The following TACR1 variants were observed in gnomAD, a reference collection of about 807,000 sequenced individuals.
The protein encoded by TACR1 is tachykinin receptor 1.
Under a neutral mutation model 35.8 loss-of-function variants are expected in TACR1, and 25 were observed. The ratio of observed to expected loss-of-function variants is 0.70; its 90% confidence interval spans 0.51 to 0.98. The LOEUF is 0.98. TACR1 is among the 50% of genes least tolerant of loss of function. TACR1 has a pLI of 0.00. For synonymous variants in TACR1, 195 were observed against 206.7 expected (o/e 0.94, Z 0.48); for missense variants, 478 against 522.9 (o/e 0.91, Z 0.84).
At chr2:75,130,242 G>A (rs569902513) in intron 1 of TACR1, among the ~76,000 whole-genome samples, 1 of 152,252 alleles carries the variant, frequency 6.6e-6, no homozygotes, top group East Asian at 1.9e-4. Flanking sequence ...CTGAAGTATA[G>A]CAGGTAAGAC....
At chr2:75,094,340 G>A (rs1673369738) in intron 2 of TACR1, among the ~76,000 whole-genome samples, 1 of 152,154 alleles carries the variant, frequency 6.6e-6, no homozygotes, top group African/African-American at 2.4e-5. Flanking sequence ...AAAGTATTAA[G>A]AAAATAGAAC....
At chr2:75,191,171 G>T (rs1033822060) in intron 1 of TACR1, among the ~76,000 whole-genome samples, 1 of 152,180 alleles carries the variant, frequency 6.6e-6, no homozygotes, top group Non-Finnish European at 1.5e-5. Context: ...ATGTAAGCCA[G>T]TTCCCCAGTC....
At chr2:75,052,657 G>A (rs908096134) in intron 3 of TACR1, among the ~76,000 whole-genome samples, 2 of 152,060 alleles carry the variant, frequency 1.3e-5, no homozygotes, top group African/African-American at 2.4e-5. Flanking sequence ...TACTATTTGT[G>A]TAAAAAAGAA....
At chr2:75,062,400 T>G (rs1393844620) in intron 2 of TACR1, among the ~76,000 whole-genome samples, 1 of 152,204 alleles carries the variant, frequency 6.6e-6, no homozygotes, top group East Asian at 1.9e-4. Flanking sequence ...CACTCATATT[T>G]GTACACACAT....
At chr2:75,060,024 C>G (rs1330548559) in intron 2 of TACR1, among the ~76,000 whole-genome samples, 3 of 152,358 alleles carry the variant, frequency 2.0e-5, no homozygotes, top group Non-Finnish European at 4.4e-5. Context: ...CTCTTGCAGG[C>G]AGGCAAAAAT....
At chr2:75,179,714 T>C (rs1258738938) in intron 1 of TACR1, among the ~76,000 whole-genome samples, 1 of 152,172 alleles carries the variant, frequency 6.6e-6, no homozygotes, top group Non-Finnish European at 1.5e-5. Context: ...CAATTCTCAG[T>C]TCTTTCCTCC....
chr2:75,094,594 C>T (rs1179272572), intron 2 of TACR1, among the ~76,000 whole-genome samples: 1 of 151,478 alleles, frequency 6.6e-6, no homozygotes, highest in East Asian at 1.9e-4. Flanking sequence ...GCAGTGGTTG[C>T]ATTGGTGGTA....
At chr2:75,103,379 A>G (rs1446086649) in intron 2 of TACR1, among the ~76,000 whole-genome samples, 1 of 152,120 alleles carries the variant, frequency 6.6e-6, no homozygotes, top group African/African-American at 2.4e-5. Flanking sequence ...AAACCCTCGA[A>G]TCCCTGTAAG....
intron 2 of TACR1, among the ~76,000 whole-genome samples, chr2:75,072,132 A>T (rs767964289): frequency 2.0e-5 from 3 of 152,102 alleles, no homozygotes; most frequent in Non-Finnish European, 2.9e-5. Flanking sequence ...GGCACCGTGA[A>T]GTAGGAGTTA....
At chr2:75,102,266 C>T (rs570251950) in intron 2 of TACR1, among the ~76,000 whole-genome samples, 1 of 152,308 alleles carries the variant, frequency 6.6e-6, no homozygotes, top group Admixed American at 6.5e-5. Context: ...ATATGAGACA[C>T]TCCCACAGAA....
At chr2:75,127,502 C>T (rs1258496832) in intron 1 of TACR1, among the ~76,000 whole-genome samples, 4 of 152,122 alleles carry the variant, frequency 2.6e-5, no homozygotes, top group African/African-American at 9.7e-5. Context: ...ATCAGTGGAC[C>T]CACTTCAAAA....
At chr2:75,158,770 A>G (rs917514087) in intron 1 of TACR1, among the ~76,000 whole-genome samples, 1 of 152,168 alleles carries the variant, frequency 6.6e-6, no homozygotes, top group African/African-American at 2.4e-5. Flanking sequence ...AAAGAGAGGA[A>G]TGGGTGGTTG....
intron 2 of TACR1, among the ~76,000 whole-genome samples, chr2:75,090,178 T>C (rs1407646530): frequency 6.6e-6 from 1 of 152,228 alleles, no homozygotes; most frequent in Non-Finnish European, 1.5e-5. Context: ...CCTCCTATCC[T>C]GTTCTGCTTT....
chr2:75,093,585 A>G (rs559545206), intron 2 of TACR1, among the ~76,000 whole-genome samples: 1 of 152,290 alleles, frequency 6.6e-6, no homozygotes, highest in African/African-American at 2.4e-5. Context: ...GAGCCCACCC[A>G]TCTGCGTAGA....
chr2:75,063,426 G>A (rs919944513), intron 2 of TACR1, among the ~76,000 whole-genome samples: 1 of 152,016 alleles, frequency 6.6e-6, no homozygotes, highest in East Asian at 1.9e-4. Context: ...TTATTTATTT[G>A]TTTATTTGCA....
At position 75,143,467 on chromosome 2, in the gene TACR1, ACTATT is replaced by A. The variant is rs139561777; in HGVS notation, c.390-22704_390-22700del. Among the ~76,000 whole-genome samples, 1,354 of 152,316 alleles carry A rather than the reference ACTATT, an allele frequency of 8.9e-3. 12 individuals carry two copies. The highest frequency in any genetic ancestry group is 0.03 in the African/African-American group (1,266 of 41,570). On this transcript the variant is annotated intron_variant, in intron 1 of 4. Transcript: ENST00000305249. ...CCTTCTTCGAACCAGAAGTATTGGCACTATTTTGCATTGGTTAACACTGATCGAGC... is the reference window on the plus strand; with the variant it reads ...CCTTCTTCGAACCAGAAGTATTGGCATTGCATTGGTTAACACTGATCGAGC...
At chr2:75,146,422 C>T (rs1435078346) in intron 1 of TACR1, among the ~76,000 whole-genome samples, 1 of 152,206 alleles carries the variant, frequency 6.6e-6, no homozygotes, top group Non-Finnish European at 1.5e-5. Flanking sequence ...CATGCCCGGC[C>T]AGCAGCATCT....
At chr2:75,120,826 A>G (rs1009659272) in intron 1 of TACR1, 58 bp from the exon 2 acceptor site, 2 of 1,378,960 alleles carry the variant, frequency 1.5e-6, no homozygotes, top group African/African-American at 2.9e-5. Flanking sequence ...TGTATCAGAG[A>G]TTCCATATTT....
At chr2:75,115,688 C>T (rs1334667718) in intron 2 of TACR1, among the ~76,000 whole-genome samples, 3 of 151,926 alleles carry the variant, frequency 2.0e-5, no homozygotes, top group Non-Finnish European at 2.9e-5. Flanking sequence ...GGGTGGATCA[C>T]GAGGTCAGGA....
Sources: allele counts gnomAD v4.1 joint callset (sites outside exome capture counted in the v4.1 genomes callset), GRCh38; gene constraint gnomAD v4.1.1; transcripts MANE v1.5; gene names NCBI Gene and HGNC (gene_info 2026-07-23, HGNC 2026-07-21).